The following HS6ST3 variants were observed in gnomAD, a reference collection of about 807,000 sequenced individuals.
HS6ST3 encodes the protein heparan sulfate 6-O-sulfotransferase 3, also known as heparan-sulfate 6-O-sulfotransferase 3.
In HS6ST3, 12 loss-of-function variants were observed where a neutral mutation model predicts 36.7. The ratio of observed to expected loss-of-function variants is 0.33; its 90% CI spans 0.21 to 0.53. The LOEUF is 0.53. HS6ST3 is among the 20% of genes least tolerant of loss of function. The pLI is 0.95. For missense variants in HS6ST3, 584 were observed against 640.9 expected, an observed-to-expected ratio of 0.91 and a Z score of 0.96; for synonymous variants, 240 against 257.5, an observed-to-expected ratio of 0.93 and a Z score of 0.65.
At chr13:96,513,238 A>T in intron 1 of HS6ST3, among the ~76,000 whole-genome samples, 1 of 150,810 alleles carries the variant, frequency 6.6e-6, no homozygotes, top group Admixed American at 6.6e-5. Context: ...ACTTTCCACA[A>T]TATATTTTGG....
intron 1 of HS6ST3, among the ~76,000 whole-genome samples, chr13:96,740,338 C>G (rs1010299467): frequency 6.6e-6 from 1 of 152,078 alleles, no homozygotes; most frequent in African/African-American, 2.4e-5. Context: ...AGAATGAACA[C>G]AAAGGCTCCT....
chr13:96,799,980 A>ATGTATATATATATATG (rs1566456834), intron 1 of HS6ST3, among the ~76,000 whole-genome samples: 2 of 76,622 alleles, frequency 2.6e-5, no homozygotes, highest in African/African-American at 7.3e-5. Flanking sequence ...ATATATATAT[A>ATGTATATATATATATG]TGTATATATA....
chr13:96,562,664 CT>C (rs1209375675), intron 1 of HS6ST3, among the ~76,000 whole-genome samples: 2 of 152,026 alleles, frequency 1.3e-5, no homozygotes, highest in African/African-American at 4.8e-5. Context: ...AGTTGAATCT[CT>C]TTTTTTCAGC....
intron 1 of HS6ST3, among the ~76,000 whole-genome samples, chr13:96,292,131 G>C (rs548566312): frequency 1.7e-4 from 26 of 152,212 alleles, no homozygotes; most frequent in African/African-American, 6.0e-4. Flanking sequence ...ACATGTGTGA[G>C]AATGGTGTTC....
intron 1 of HS6ST3, among the ~76,000 whole-genome samples, chr13:96,271,678 A>G (rs573272930): frequency 6.6e-6 from 1 of 152,108 alleles, no homozygotes; most frequent in South Asian, 2.1e-4. Context: ...GGTGACATGT[A>G]GGAATTTACG....
chr13:96,585,583 T>A (rs147332271), intron 1 of HS6ST3, among the ~76,000 whole-genome samples: 1 of 152,308 alleles, frequency 6.6e-6, no homozygotes, highest in East Asian at 1.9e-4. Context: ...TGAAATTTTA[T>A]ATCCTTTTAC....
chr13:96,305,605 A>T (rs570449208), intron 1 of HS6ST3, among the ~76,000 whole-genome samples: 1 of 152,288 alleles, frequency 6.6e-6, no homozygotes, highest in South Asian at 2.1e-4. Context: ...CATAAATAAT[A>T]TGTGACTAAT....
Position 96,323,133 on chromosome 13 carries a change from C to T in HS6ST3, c.707+231564C>T, listed in dbSNP as rs191478273. Among the ~76,000 whole-genome samples the T allele has an allele frequency of 3.0e-4, 46 of 152,252 alleles. 1 individual carries two copies. The East Asian group carries it at 8.7e-3, about 29-fold the overall frequency. On this transcript the variant is annotated intron_variant, in intron 1 of 1. Transcript: ENST00000376705. Reference sequence around the variant, plus strand: ...ACACTTCCAAATCAATACCCCCAGCCTACATATCTTTCCCTCATGATTAAT... The same window carrying T: ...ACACTTCCAAATCAATACCCCCAGCTTACATATCTTTCCCTCATGATTAAT...
intron 1 of HS6ST3, among the ~76,000 whole-genome samples, chr13:96,826,043 G>A (rs566131802): frequency 6.6e-6 from 1 of 152,128 alleles, no homozygotes; most frequent in Non-Finnish European, 1.5e-5. Context: ...AATTAAAGAA[G>A]AGAACAAATT....
chr13:96,627,280 G>A (rs1219177647), intron 1 of HS6ST3, among the ~76,000 whole-genome samples: 1 of 151,974 alleles, frequency 6.6e-6, no homozygotes, highest in Non-Finnish European at 1.5e-5. Flanking sequence ...GTGCATCTGC[G>A]TAAACGATCA....
intron 1 of HS6ST3, among the ~76,000 whole-genome samples, chr13:96,694,442 CT>C (rs1292947007): frequency 6.6e-6 from 1 of 152,054 alleles, no homozygotes; most frequent in African/African-American, 2.4e-5. Flanking sequence ...GATTCCATGT[CT>C]TTGCTATTGT....
chr13:96,354,235 C>T (rs533947597), intron 1 of HS6ST3, among the ~76,000 whole-genome samples: 1 of 152,186 alleles, frequency 6.6e-6, no homozygotes, highest in Non-Finnish European at 1.5e-5. Flanking sequence ...AAAAGTGATG[C>T]AAGTACAGTT....
chr13:96,576,943 CAAAAAAAA>C (rs1157924077), intron 1 of HS6ST3, among the ~76,000 whole-genome samples: 5 of 26,850 alleles, frequency 1.9e-4, no homozygotes, highest in African/African-American at 3.3e-4. Flanking sequence ...GACTCTGTCT[CAAAAAAAA>C]AAAAAAAAAA....
intron 1 of HS6ST3, among the ~76,000 whole-genome samples, chr13:96,377,755 A>C (rs1457603027): frequency 6.6e-6 from 1 of 152,230 alleles, no homozygotes; most frequent in Non-Finnish European, 1.5e-5. Context: ...AAGAGCAAGA[A>C]AATTAAATGA....
intron 1 of HS6ST3, among the ~76,000 whole-genome samples, chr13:96,726,782 C>CT (rs1372281450): frequency 6.6e-6 from 1 of 151,892 alleles, no homozygotes; most frequent in East Asian, 1.9e-4. Context: ...TCTTTCAGTA[C>CT]TTTAAGCTTG....
rs541998457 is a variant in HS6ST3, at chr13:96,749,957, T to A, written c.708-82533T>A. Among the ~76,000 whole-genome samples the A allele has an allele frequency of 2.0e-5, 3 of 152,296 alleles. No individual in the cohort carries two copies. The South Asian group carries it at 6.2e-4, about 32-fold the overall frequency. On this transcript the variant is annotated intron_variant, in intron 1 of 1. Coordinates refer to ENST00000376705, the MANE Select transcript of HS6ST3 (RefSeq NM_153456.4). ...CCTAATCCATGGGCATAAGAATAAA[T>A]CACACTTAAAATTCTTGGCTGTCAG...
chr13:96,380,720 G>A (rs1178590303), intron 1 of HS6ST3, among the ~76,000 whole-genome samples: 2 of 152,182 alleles, frequency 1.3e-5, no homozygotes, highest in African/African-American at 4.8e-5. Context: ...GGATAAAGTA[G>A]CTACTGATAC....
intron 1 of HS6ST3, among the ~76,000 whole-genome samples, chr13:96,353,231 A>G (rs937861772): frequency 7.3e-5 from 11 of 151,436 alleles, no homozygotes; most frequent in Admixed American, 1.3e-4. Flanking sequence ...ACAGAGTTTC[A>G]CCATGTTGTC....
rs139108978 is a variant in HS6ST3 at position 96,642,549 on chromosome 13, C to T, written c.708-189941C>T. 2.8e-3 allele frequency among the ~76,000 whole-genome samples: 430 copies of T among 151,788 alleles called. 1 individual carries two copies. Among genetic ancestry groups the T allele is most frequent in the Non-Finnish European group, 4.9e-3 (334 of 67,820 alleles). ...ACACATTGGTTCACTTGATGGTGTC[C>T]ACAGGTCTCTGAGGCTCTGCTAGTT... On this transcript the variant is annotated intron_variant, in intron 1 of 1. Coordinates refer to ENST00000376705, the MANE Select transcript of HS6ST3 (RefSeq NM_153456.4).
Sources: gnomAD v4.1 joint callset for allele counts (sites outside exome capture counted in the v4.1 genomes callset) on GRCh38, gnomAD v4.1.1 for gene constraint, MANE v1.5 for transcripts, NCBI Gene and HGNC (gene_info 2026-07-23, HGNC 2026-07-21) for gene names.